The following AKAP13 variants were observed in gnomAD, a reference collection of about 807,000 sequenced individuals.
AKAP13 encodes the protein A-kinase anchoring protein 13.
In AKAP13, 80 loss-of-function variants were observed where a neutral mutation model predicts 264.5. That is an observed-to-expected ratio of 0.30 (90% CI 0.25 to 0.36). AKAP13 has a LOEUF of 0.36. AKAP13 is among the 10% of genes least tolerant of loss of function. AKAP13 has a pLI of 1.00. For synonymous variants in AKAP13, 1,380 were observed against 1,250.2 expected (o/e 1.10, Z -2.19); for missense variants, 3,712 against 3,435.2 (o/e 1.08, Z -2.01).
At chr15:85,474,093 GA>G (rs2075062864) in intron 1 of AKAP13, among the ~76,000 whole-genome samples, 1 of 152,160 alleles carries the variant, frequency 6.6e-6, no homozygotes. Flanking sequence ...TACATAGGAT[GA>G]AAAAAGTGTT....
intron 1 of AKAP13, among the ~76,000 whole-genome samples, chr15:85,478,579 G>A (rs1042784392): frequency 1.3e-5 from 2 of 152,110 alleles, no homozygotes; most frequent in Non-Finnish European, 2.9e-5. Context: ...ATGAGTGAAC[G>A]TGGGTGTTAC....
Position 85,579,739 on chromosome 15 carries a change from T to G in AKAP13, c.1671T>G (p.Asn557Lys). 6.2e-7 allele frequency: 1 copy of G among 1,614,206 alleles called. No individual in the cohort carries two copies. Among genetic ancestry groups the G allele is most frequent in the Non-Finnish European group, 8.5e-7 (1 of 1,180,042 alleles). ...KPAESSLAFSNEETSTEKTAE... is the reference protein window; with the variant it reads ...KPAESSLAFSKEETSTEKTAE... ...CTGAGTCTTCACTTGCATTTAGTAA[T>G]GAAGAAACCTCCACTGAAAAAACAG... The change falls in exon 7 of 37, where the codon AAT (asparagine) becomes AAG (lysine). Residue 557 changes from asparagine to lysine, a missense_variant. Physicochemically the swap from Asn to Lys is moderately conservative, Grantham distance 94. Transcript: ENST00000394518.
intron 1 of AKAP13, among the ~76,000 whole-genome samples, chr15:85,397,159 T>G (rs975106029): frequency 2.0e-5 from 3 of 152,174 alleles, no homozygotes; most frequent in Non-Finnish European, 4.4e-5. Context: ...ATAATTTATT[T>G]GGCAATGTAT....
intron 5 of AKAP13, among the ~76,000 whole-genome samples, chr15:85,544,975 T>TA (rs1287750993): frequency 6.6e-6 from 1 of 152,252 alleles, no homozygotes; most frequent in African/African-American, 2.4e-5. Context: ...TAGTGCTACT[T>TA]ACGGTTATGT....
intron 6 of AKAP13, 52 bp downstream of exon 6, chr15:85,575,381 T>C: frequency 2.6e-6 from 4 of 1,541,622 alleles, no homozygotes; most frequent in Non-Finnish European, 3.6e-6. Flanking sequence ...TGTGTGTGTT[T>C]TGTATGTGTG....
At chr15:85,643,699 G>C (rs1004863957) in intron 9 of AKAP13, among the ~76,000 whole-genome samples, 2 of 152,250 alleles carry the variant, frequency 1.3e-5, no homozygotes, top group Admixed American at 6.5e-5. Flanking sequence ...CTATTGCTAA[G>C]AAGCCCCGTT....
At chr15:85,732,881 A>G (rs908724672) in intron 30 of AKAP13, among the ~76,000 whole-genome samples, 3 of 151,844 alleles carry the variant, frequency 2.0e-5, no homozygotes, top group South Asian at 2.1e-4. Context: ...CTATTTTGAT[A>G]ATAATATATT....
At chr15:85,661,398 C>G (rs749073910) in intron 12 of AKAP13, among the ~76,000 whole-genome samples, 12 of 152,140 alleles carry the variant, frequency 7.9e-5, no homozygotes, top group Non-Finnish European at 1.6e-4. Flanking sequence ...ATTTCTAACT[C>G]AGTGCCATAG....
chr15:85,698,648 A>C (rs2085712559), intron 17 of AKAP13, among the ~76,000 whole-genome samples: 1 of 151,426 alleles, frequency 6.6e-6, no homozygotes, highest in Non-Finnish European at 1.5e-5. Flanking sequence ...TGTTCCAATA[A>C]AAATTTATTT....
At chr15:85,730,263 A>G (rs902457512) in intron 29 of AKAP13, among the ~76,000 whole-genome samples, 2 of 152,246 alleles carry the variant, frequency 1.3e-5, no homozygotes, top group Non-Finnish European at 2.9e-5. Context: ...CGGGAGTGGA[A>G]GCAAAGTGCA....
rs754487409 is a variant in AKAP13, at chr15:85,579,371, G to C, written c.1303G>C (p.Asp435His). 6.2e-7 allele frequency: 1 copy of C among 1,614,218 alleles called. No individual in the cohort carries two copies. The highest frequency in any genetic ancestry group is 1.1e-5 in the South Asian group (1 of 91,078). ...AACAAAATCTTCTGGAATGCCCACA[G>C]ACCAGGAGTCCCTGAGCAGTGGAGA... ...TGTKSSGMPT[D>H]QESLSSGDAV... Residue 435 changes from aspartate to histidine, a missense_variant, in exon 7 of 37, where the codon GAC becomes CAC. Around this residue, in one of 3 missense-constraint regions of AKAP13, gnomAD observed 2,759 missense variants for 2,411.7 expected, o/e 1.14. Coordinates refer to ENST00000394518, the MANE Select transcript of AKAP13 (RefSeq NM_007200.5).
chr15:85,691,850 G>T lies in AKAP13; in HGVS notation c.5290-1427G>T, dbSNP rs1393488732. 6.1e-6 allele frequency: 3 copies of T among 493,344 alleles called. No individual in the cohort carries two copies. The Admixed American group carries it at 6.3e-5, about 10-fold the overall frequency. The allele number at this position is 493,344 out of a possible 1,614,324, so 30.6% of individuals were successfully genotyped here. On this transcript the variant is annotated intron_variant, in intron 16 of 36. Coordinates refer to ENST00000394518, the MANE Select transcript of AKAP13 (RefSeq NM_007200.5). ...AGGGAAGACCACAGGAAAGAAAGGA[G>T]CTTCACAAAAGAGGTCAGAGAGCAC...
At chr15:85,488,501 C>T (rs2075633831) in intron 2 of AKAP13, among the ~76,000 whole-genome samples, 1 of 152,168 alleles carries the variant, frequency 6.6e-6, no homozygotes, top group African/African-American at 2.4e-5. Context: ...TTCTTAATCC[C>T]TAGAACCTGT....
chr15:85,471,746 T>C (rs924036116), intron 1 of AKAP13, among the ~76,000 whole-genome samples: 2 of 152,212 alleles, frequency 1.3e-5, no homozygotes, highest in Admixed American at 1.3e-4. Context: ...TTTTCTAGAA[T>C]TGCATAAGAA....
At chr15:85,540,471 A>G (rs568509670) in intron 4 of AKAP13, among the ~76,000 whole-genome samples, 3 of 152,348 alleles carry the variant, frequency 2.0e-5, no homozygotes, top group South Asian at 4.1e-4. Context: ...GCAGCCATCC[A>G]CAATCCTAAA....
chr15:85,741,434 A>G lies in AKAP13; in HGVS notation c.7997A>G (p.Glu2666Gly), dbSNP rs1400314475. Reference sequence around the variant, plus strand: ...CAGAAACAGCTTGAGAGGGAACAGGAGCAGCTGCGCCGGGAGGCAGAGCGG... The same window carrying G: ...CAGAAACAGCTTGAGAGGGAACAGGGGCAGCTGCGCCGGGAGGCAGAGCGG... Reference protein sequence around the residue: ...AAQKQLEREQEQLRREAERLS... With the variant: ...AAQKQLEREQGQLRREAERLS... The change falls in exon 35 of 37, where the codon GAG (glutamate) becomes GGG (glycine). Residue 2666 changes from glutamate to glycine, a missense_variant. Glu to Gly is a moderately conservative substitution (Grantham distance 98). Around this residue, in one of 3 missense-constraint regions of AKAP13, gnomAD observed 611 missense variants for 539.3 expected, o/e 1.13. Transcript: ENST00000394518. 8 of 1,610,318 alleles carry G rather than the reference A, an allele frequency of 5.0e-6. 1 individual carries two copies. The highest frequency in any genetic ancestry group is 1.1e-5 in the South Asian group (1 of 91,010).
chr15:85,692,821 C>T (rs931911095), intron 16 of AKAP13, among the ~76,000 whole-genome samples: 1 of 152,174 alleles, frequency 6.6e-6, no homozygotes, highest in African/African-American at 2.4e-5. Flanking sequence ...GGTAATTTTT[C>T]ATGCCACCCA....
intron 1 of AKAP13, among the ~76,000 whole-genome samples, chr15:85,434,252 G>A (rs1314163766): frequency 6.6e-6 from 1 of 152,090 alleles, no homozygotes; most frequent in African/African-American, 2.4e-5. Context: ...CGAATATTGC[G>A]CTTTTCAGAC....
Position 85,619,884 on chromosome 15 carries a change from G to C in AKAP13, c.4162-19490G>C, listed in dbSNP as rs1341376042. 3 of 1,406,742 alleles carry C rather than the reference G, an allele frequency of 2.1e-6. No homozygotes were observed. In the Admixed American group the frequency reaches 8.9e-5, roughly 42 times the overall value. 87.1% of individuals were successfully genotyped at this position (1,406,742 alleles called of 1,614,324 possible). A position where few individuals can be genotyped will look rare whatever the true frequency, so the allele number is the denominator to read the frequency against. ...CTCTGAAGTTATCAGCAAGTTCTCA[G>C]TCAGTTCAAGGCATTGGATTCTGCT... On this transcript the variant is annotated intron_variant, in intron 8 of 36. Transcript: ENST00000394518.
Sources: allele counts gnomAD v4.1 joint callset (sites outside exome capture counted in the v4.1 genomes callset), GRCh38; gene constraint gnomAD v4.1.1; regional missense constraint gnomAD v4.1.1; transcripts MANE v1.5; gene names NCBI Gene and HGNC (gene_info 2026-07-23, HGNC 2026-07-21).